Variants in TTC29 observed in about 807,000 individuals in gnomAD.
TTC29 encodes the protein tetratricopeptide repeat domain 29, also known as tetratricopeptide repeat protein 29.
In TTC29, 49 loss-of-function variants were observed where a neutral mutation model predicts 58.1. The observed-to-expected ratio is 0.84, with a 90% CI of 0.67 to 1.07. The LOEUF is 1.07. TTC29 is among the 50% of genes least tolerant of loss of function. TTC29 has a pLI of 0.00. For missense variants in TTC29, 582 were observed against 555.6 expected, an observed-to-expected ratio of 1.05 and a Z score of -0.48; for synonymous variants, 209 against 196.8, an observed-to-expected ratio of 1.06 and a Z score of -0.52.
At chr4:146,846,981 T>C (rs1729213948) in intron 8 of TTC29, among the ~76,000 whole-genome samples, 1 of 152,222 alleles carries the variant, frequency 6.6e-6, no homozygotes, top group Non-Finnish European at 1.5e-5. Flanking sequence ...GATGTAATGC[T>C]TCCATATCAG....
At chr4:146,916,645 T>C (rs908868462) in intron 4 of TTC29, among the ~76,000 whole-genome samples, 6 of 151,596 alleles carry the variant, frequency 4.0e-5, no homozygotes, top group African/African-American at 1.4e-4. Flanking sequence ...TGATTTCCAA[T>C]GAGTTGACTG....
intron 11 of TTC29, among the ~76,000 whole-genome samples, chr4:146,711,647 CATT>C (rs1742501446): frequency 6.6e-6 from 1 of 152,090 alleles, no homozygotes; most frequent in African/African-American, 2.4e-5. Context: ...GTGATTGTAA[CATT>C]ATGCTATTAT....
At chr4:146,929,711 T>A (rs1433810080) in intron 4 of TTC29, among the ~76,000 whole-genome samples, 1 of 152,102 alleles carries the variant, frequency 6.6e-6, no homozygotes, top group Non-Finnish European at 1.5e-5. Flanking sequence ...TTCCTGATAT[T>A]CTTCTTATGA....
chr4:146,830,006 C>T (rs1728054785), intron 9 of TTC29, among the ~76,000 whole-genome samples: 1 of 152,134 alleles, frequency 6.6e-6, no homozygotes, highest in Non-Finnish European at 1.5e-5. Context: ...TCTGTATTTA[C>T]TCAAACTGTC....
chr4:146,861,483 T>A (rs1037165323), intron 8 of TTC29, among the ~76,000 whole-genome samples: 1 of 152,182 alleles, frequency 6.6e-6, no homozygotes, highest in African/African-American at 2.4e-5. Flanking sequence ...ATTTTTTCTC[T>A]TTACCAAATA....
intron 11 of TTC29, among the ~76,000 whole-genome samples, chr4:146,786,941 C>G (rs1749066886): frequency 6.6e-6 from 1 of 151,720 alleles, no homozygotes; most frequent in Non-Finnish European, 1.5e-5. Flanking sequence ...AGTAAAAACC[C>G]CACCTCTACC....
Position 146,905,469 on chromosome 4 carries a change from C to T in TTC29, c.401-1740G>A, listed in dbSNP as rs1252550150. 2.0e-5 allele frequency among the ~76,000 whole-genome samples: 3 copies of T among 150,758 alleles called. No individual in the cohort carries two copies. In the East Asian group the frequency reaches 5.8e-4, roughly 29 times the overall value. The stretch of plus-strand genomic sequence containing the variant: ...TGAGTTAGATAAGCTACCAAGATTA[C>T]ATATTTAAAGACTACTTGTCAGCTA... On this transcript the variant is annotated intron_variant, in intron 5 of 12. Coordinates refer to ENST00000325106, the MANE Select transcript of TTC29 (RefSeq NM_031956.4).
intron 11 of TTC29, among the ~76,000 whole-genome samples, chr4:146,739,808 A>T (rs1216613135): frequency 6.6e-6 from 1 of 152,100 alleles, no homozygotes; most frequent in African/African-American, 2.4e-5. Context: ...GGTAATAGGT[A>T]GTTGTGGTGG....
At chr4:146,758,123 T>C (rs1192730630) in intron 11 of TTC29, among the ~76,000 whole-genome samples, 6 of 152,008 alleles carry the variant, frequency 3.9e-5, no homozygotes, top group African/African-American at 1.4e-4. Flanking sequence ...TGGACTCACA[T>C]AAACTTAAAG....
chr4:146,751,885 A>C (rs1307339818), intron 11 of TTC29, among the ~76,000 whole-genome samples: 1 of 152,212 alleles, frequency 6.6e-6, no homozygotes, highest in Non-Finnish European at 1.5e-5. Context: ...AAAATGAATC[A>C]ATGAAACTAA....
intron 11 of TTC29, among the ~76,000 whole-genome samples, chr4:146,721,517 T>C (rs1332852419): frequency 6.6e-6 from 1 of 152,168 alleles, no homozygotes; most frequent in African/African-American, 2.4e-5. Flanking sequence ...TTAGAGCTAG[T>C]ATATACATAG....
intron 10 of TTC29, among the ~76,000 whole-genome samples, chr4:146,813,801 T>C (rs1579736045): frequency 6.6e-6 from 1 of 151,978 alleles, no homozygotes; most frequent in East Asian, 1.9e-4. Flanking sequence ...CTGGCCAACA[T>C]GGTGAAACCC....
At chr4:146,789,196 C>T (rs997608466) in intron 11 of TTC29, among the ~76,000 whole-genome samples, 9 of 152,174 alleles carry the variant, frequency 5.9e-5, no homozygotes, top group African/African-American at 1.2e-4. Flanking sequence ...TATCTTAAGA[C>T]TCACTAACTG....
rs778611434 is a variant in TTC29 at position 146,803,719 on chromosome 4, C to A, written c.1102-34G>T. ...GTAAGAGAAATAATTTTCTTTCTTA[C>A]TTTTAATGTCACCATTTCACATATT... On this transcript the variant is annotated intron_variant, in intron 10 of 12. Transcript: ENST00000325106. The A allele has an allele frequency of 6.8e-6, 10 of 1,476,544 alleles. No homozygotes were observed. The East Asian group carries it at 2.2e-4, about 33-fold the overall frequency. The allele number at this position is 1,476,544 out of a possible 1,614,324, so 91.5% of individuals were successfully genotyped here.
intron 9 of TTC29, among the ~76,000 whole-genome samples, chr4:146,831,207 T>C (rs1344548613): frequency 3.9e-5 from 6 of 152,136 alleles, no homozygotes; most frequent in Non-Finnish European, 8.8e-5. Context: ...TAAGAATCCA[T>C]GTCTACCATG....
rs186791592 is a variant in TTC29 at position 146,873,982 on chromosome 4, G to T, written c.799+734C>A. Among the ~76,000 whole-genome samples, 19 of 152,114 alleles carry T rather than the reference G, an allele frequency of 1.2e-4. No individual in the cohort carries two copies. The East Asian group carries it at 3.7e-3, about 29-fold the overall frequency. On this transcript the variant is annotated intron_variant, in intron 7 of 12. Coordinates refer to ENST00000325106, the MANE Select transcript of TTC29 (RefSeq NM_031956.4). ...TACTCTAGTAATAATTTACTATATG[G>T]TAACAAAATATCTGTGCATTTCACA...
intron 8 of TTC29, among the ~76,000 whole-genome samples, chr4:146,861,183 C>CA (rs1730210127): frequency 6.6e-6 from 1 of 152,108 alleles, no homozygotes; most frequent in Admixed American, 6.6e-5. Context: ...TAAGAGAGGC[C>CA]ATTCCTTTTC....
At chr4:146,742,579 T>C (rs1187638519) in intron 11 of TTC29, among the ~76,000 whole-genome samples, 3 of 133,194 alleles carry the variant, frequency 2.3e-5, no homozygotes, top group Non-Finnish European at 4.9e-5. Context: ...CTCACCCACT[T>C]CCTTCCTTCC....
chr4:146,845,933 G>A (rs936334105), intron 8 of TTC29, among the ~76,000 whole-genome samples: 2 of 152,084 alleles, frequency 1.3e-5, no homozygotes, highest in African/African-American at 2.4e-5. Flanking sequence ...GTGCCCTGGG[G>A]ACAGGATCCA....
Sources: allele counts gnomAD v4.1 joint callset (sites outside exome capture counted in the v4.1 genomes callset), GRCh38; gene constraint gnomAD v4.1.1; transcripts MANE v1.5; gene names NCBI Gene and HGNC (gene_info 2026-07-23, HGNC 2026-07-21).